TASP1: variants seen among roughly 807,000 people sequenced by gnomAD.
TASP1 encodes the protein threonine aspartase 1.
A neutral mutation model predicts 56.6 loss-of-function variants in TASP1; 16 were observed. That is an observed-to-expected ratio of 0.28 (90% CI 0.19 to 0.43). TASP1 has a LOEUF of 0.43. Among genes scored for constraint, TASP1 ranks in the 20% least tolerant of loss-of-function variants. TASP1 has a pLI of 1.00. For synonymous variants in TASP1, 179 were observed against 184.2 expected (o/e 0.97, Z 0.23); for missense variants, 393 against 511.6 (o/e 0.77, Z 2.24).
the TASP1 span, among the ~76,000 whole-genome samples, chr20:13,366,534 C>T: frequency 1.3e-5 from 2 of 152,212 alleles, no homozygotes; most frequent in Non-Finnish European, 2.9e-5. Context: ...AAACACACCA[C>T]ACCCAGACCT....
rs115738077 is a variant in TASP1, at chr20:13,478,260, C to A, written c.985+4967G>T. Among the ~76,000 whole-genome samples the A allele has an allele frequency of 2.3e-3, 351 of 152,026 alleles. 2 individuals carry two copies. The highest frequency in any genetic ancestry group is 7.8e-3 in the African/African-American group (323 of 41,478). On this transcript the variant is annotated intron_variant, in intron 11 of 13. Coordinates refer to ENST00000337743, the MANE Select transcript of TASP1 (RefSeq NM_017714.3). ...AAATCATTACACAAAAAACTGCACT[C>A]GTATGTGTACCACAGCACTATTCAC...
the TASP1 span, among the ~76,000 whole-genome samples, chr20:13,361,160 G>T: frequency 6.6e-6 from 1 of 152,060 alleles, no homozygotes. Context: ...CCCCACCCAG[G>T]ACTGGCAAAT....
intron 12 of TASP1, among the ~76,000 whole-genome samples, chr20:13,418,274 C>T (rs979219164): frequency 6.6e-6 from 1 of 152,222 alleles, no homozygotes; most frequent in South Asian, 2.1e-4. Context: ...AATGTCCATT[C>T]CAGAGCTGGG....
the TASP1 span, among the ~76,000 whole-genome samples, chr20:13,226,223 G>A: frequency 6.6e-6 from 1 of 151,924 alleles, no homozygotes; most frequent in Non-Finnish European, 1.5e-5. Flanking sequence ...TCCCTTTATT[G>A]CCTTCAGTAA....
chr20:13,162,361 A>G, the TASP1 span, among the ~76,000 whole-genome samples: 1 of 152,184 alleles, frequency 6.6e-6, no homozygotes, highest in African/African-American at 2.4e-5. Context: ...TCTCTTCACA[A>G]CTTCTTAATT....
chr20:13,629,574 C>G (rs937699003), intron 2 of TASP1, among the ~76,000 whole-genome samples: 8 of 151,308 alleles, frequency 5.3e-5, no homozygotes, highest in Admixed American at 5.3e-4. Flanking sequence ...TGGGTTCAAG[C>G]AATTCTCCTG....
At chr20:13,260,672 G>A in the TASP1 span, among the ~76,000 whole-genome samples, 38 of 151,472 alleles carry the variant, frequency 2.5e-4, no homozygotes, top group Non-Finnish European at 4.1e-4. Flanking sequence ...ATTCCATTCC[G>A]AGGAAGTCAG....
intron 12 of TASP1, among the ~76,000 whole-genome samples, chr20:13,433,841 T>TA (rs111973613): frequency 0.21 from 24,475 of 116,056 alleles, 2,631 homozygotes; most frequent in Middle Eastern, 0.3. Flanking sequence ...GTGTTTGTAT[T>TA]AAAAAAAAAA....
intron 8 of TASP1, among the ~76,000 whole-genome samples, chr20:13,555,577 C>G (rs1344133794): frequency 6.6e-6 from 1 of 152,046 alleles, no homozygotes; most frequent in Non-Finnish European, 1.5e-5. Context: ...ACCTCTAATT[C>G]TAGTTCTCTT....
chr20:13,310,112 C>CA, the TASP1 span, among the ~76,000 whole-genome samples: 4 of 152,104 alleles, frequency 2.6e-5, no homozygotes, highest in East Asian at 1.9e-4. Flanking sequence ...TATGGAAGCA[C>CA]AAAAAATACT....
intron 13 of TASP1, among the ~76,000 whole-genome samples, chr20:13,395,148 G>A (rs1447839087): frequency 6.6e-6 from 1 of 152,190 alleles, no homozygotes; most frequent in Admixed American, 6.5e-5. Flanking sequence ...GATCATTGGA[G>A]GCATGAGCAA....
At chr20:13,358,963 C>G in the TASP1 span, among the ~76,000 whole-genome samples, 3 of 150,866 alleles carry the variant, frequency 2.0e-5, no homozygotes, top group African/African-American at 7.4e-5. Context: ...CTTGTCTCTA[C>G]CCCTTCTCTG....
the TASP1 span, among the ~76,000 whole-genome samples, chr20:13,175,239 A>G: frequency 6.6e-6 from 1 of 152,216 alleles, no homozygotes; most frequent in Non-Finnish European, 1.5e-5. Context: ...ATCTCACCAG[A>G]AATCCTCTCA....
chr20:13,237,422 C>T, the TASP1 span, among the ~76,000 whole-genome samples: 1 of 152,186 alleles, frequency 6.6e-6, no homozygotes, highest in Admixed American at 6.5e-5. Flanking sequence ...GCAACATGCA[C>T]AATTTCACAA....
chr20:13,343,159 G>A, the TASP1 span, among the ~76,000 whole-genome samples: 3,738 of 152,236 alleles, frequency 0.025, 158 homozygotes, highest in African/African-American at 0.085. Flanking sequence ...CTGGGTGAGT[G>A]GGCAAAATGA....
At chr20:13,210,088 G>A in the TASP1 span, among the ~76,000 whole-genome samples, 1 of 152,256 alleles carries the variant, frequency 6.6e-6, no homozygotes, top group Admixed American at 6.5e-5. Context: ...TAAATGGAAT[G>A]ATACAGAATG....
intron 13 of TASP1, among the ~76,000 whole-genome samples, chr20:13,391,795 G>A (rs148373479): frequency 0.69 from 103,060 of 150,234 alleles, 35,677 homozygotes; most frequent in African/African-American, 0.76. Flanking sequence ...GTGAAACCCT[G>A]TCTCTACTAA....
At chr20:13,450,214 G>C (rs1163076074) in intron 11 of TASP1, among the ~76,000 whole-genome samples, 1 of 152,060 alleles carries the variant, frequency 6.6e-6, no homozygotes, top group Non-Finnish European at 1.5e-5. Flanking sequence ...CTGAGACTTA[G>C]ATGAGTCATA....
intron 10 of TASP1, among the ~76,000 whole-genome samples, chr20:13,515,891 T>C (rs2044510687): frequency 6.6e-6 from 1 of 152,104 alleles, no homozygotes. Flanking sequence ...CTCACAGTCA[T>C]TTAAGCTGGC....
Sources: gnomAD v4.1 joint callset for allele counts (sites outside exome capture counted in the v4.1 genomes callset) on GRCh38, gnomAD v4.1.1 for gene constraint, MANE v1.5 for transcripts, NCBI Gene and HGNC (gene_info 2026-07-23, HGNC 2026-07-21) for gene names.